The following BCKDHB variants were observed in gnomAD, a reference collection of about 807,000 sequenced individuals.
BCKDHB encodes branched chain keto acid dehydrogenase E1 subunit beta.
In BCKDHB, 41 loss-of-function variants were observed where a neutral mutation model predicts 48.5. The observed-to-expected ratio is 0.85, with a 90% confidence interval of 0.66 to 1.10. The LOEUF (loss-of-function observed/expected upper bound fraction) is 1.10. Ranked by LOEUF, BCKDHB falls within the 50% of genes least tolerant of loss-of-function variation. BCKDHB has a pLI of 0.00. For missense variants in BCKDHB, 496 were observed against 494.2 expected, an observed-to-expected ratio of 1.00 and a Z score of -0.03; for synonymous variants, 201 against 174.8, an observed-to-expected ratio of 1.15 and a Z score of -1.18.
chr6:80,443,263 A>C, the BCKDHB span: 3 of 152,190 alleles, frequency 2.0e-5, no homozygotes, highest in Admixed American at 6.6e-5. Flanking sequence ...TTCCTTATAG[A>C]GTAGGATGGA....
At chr6:80,422,970 AG>A in the BCKDHB span, among the ~76,000 whole-genome samples, 1 of 152,158 alleles carries the variant, frequency 6.6e-6, no homozygotes, top group East Asian at 1.9e-4. Context: ...GAAATGTGAA[AG>A]GGACATGAAA....
At chr6:80,211,544 A>G (rs868861708) in intron 8 of BCKDHB, among the ~76,000 whole-genome samples, 137 of 152,234 alleles carry the variant, frequency 9.0e-4, no homozygotes, top group African/African-American at 3.0e-3. Flanking sequence ...TGTTCCTTCT[A>G]GTTTCAAAAA....
intron 8 of BCKDHB, among the ~76,000 whole-genome samples, chr6:80,272,126 G>A (rs914836672): frequency 1.1e-4 from 17 of 152,184 alleles, no homozygotes; most frequent in Admixed American, 9.2e-4. Context: ...TATTTACCTA[G>A]TAGATATGGT....
chr6:80,445,545 T>C, the BCKDHB span, among the ~76,000 whole-genome samples: 2 of 152,164 alleles, frequency 1.3e-5, no homozygotes, highest in African/African-American at 4.8e-5. Flanking sequence ...ACTGTAAATA[T>C]ATCTGTATCT....
chr6:80,421,391 A>G, the BCKDHB span, among the ~76,000 whole-genome samples: 1 of 152,340 alleles, frequency 6.6e-6, no homozygotes, highest in South Asian at 2.1e-4. Flanking sequence ...GAAACAGACT[A>G]ATACAGAGAA....
At chr6:80,400,026 A>T in the BCKDHB span, among the ~76,000 whole-genome samples, 73 of 152,116 alleles carry the variant, frequency 4.8e-4, no homozygotes, top group Non-Finnish European at 7.9e-4. Context: ...TTGGCTAGCC[A>T]CATGCAGAAG....
At chr6:80,412,613 A>T in the BCKDHB span, among the ~76,000 whole-genome samples, 3 of 152,160 alleles carry the variant, frequency 2.0e-5, no homozygotes, top group Admixed American at 6.5e-5. Context: ...ACCTTCATCC[A>T]TGAGTTGTAT....
rs533733615 is a variant in BCKDHB at position 80,268,927 on chromosome 6, A to G, written c.952-4208A>G. Among the ~76,000 whole-genome samples, 8 of 152,300 alleles carry G rather than the reference A, an allele frequency of 5.3e-5. No homozygotes were observed. In the South Asian group the frequency reaches 1.7e-3, roughly 32 times the overall value. ...CCATCAATTTGGAACATGCTACTTC[A>G]TAATTAAATCATTCTGGGATGTGAT... On this transcript the variant is annotated intron_variant, in intron 8 of 9. Transcript: ENST00000320393.
chr6:80,223,472 C>T (rs143934538), intron 8 of BCKDHB, among the ~76,000 whole-genome samples: 37 of 152,188 alleles, frequency 2.4e-4, no homozygotes, highest in African/African-American at 7.9e-4. Context: ...TTTCTTATGT[C>T]AGTTTTGGAA....
intron 8 of BCKDHB, among the ~76,000 whole-genome samples, chr6:80,209,903 A>G (rs529798370): frequency 3.9e-5 from 6 of 152,212 alleles, no homozygotes; most frequent in African/African-American, 1.4e-4. Context: ...ATCTGGAAAT[A>G]TAAAGTACTT....
chr6:80,402,421 C>G, the BCKDHB span, among the ~76,000 whole-genome samples: 1 of 151,676 alleles, frequency 6.6e-6, no homozygotes, highest in Non-Finnish European at 1.5e-5. Context: ...AGATAAGTTT[C>G]TATTCAGATT....
At chr6:80,328,859 A>G (rs1769176113) in intron 9 of BCKDHB, among the ~76,000 whole-genome samples, 1 of 152,174 alleles carries the variant, frequency 6.6e-6, no homozygotes, top group South Asian at 2.1e-4. Context: ...AGCAGATGAA[A>G]ATCTGTTTCT....
At chr6:80,177,623 CTCA>C (rs750953983) in intron 6 of BCKDHB, among the ~76,000 whole-genome samples, 12 of 152,080 alleles carry the variant, frequency 7.9e-5, no homozygotes, top group Non-Finnish European at 1.8e-4. Context: ...GCCATTTTGC[CTCA>C]TCAGAACTAA....
chr6:80,349,343 T>TA, downstream of BCKDHB, among the ~76,000 whole-genome samples: 1 of 152,254 alleles, frequency 6.6e-6, no homozygotes, highest in East Asian at 1.9e-4. Context: ...GAGTGCCTGT[T>TA]ACGGGCCGGG....
intron 1 of BCKDHB, among the ~76,000 whole-genome samples, chr6:80,119,624 A>T (rs973308722): frequency 6.6e-6 from 1 of 152,186 alleles, no homozygotes. Context: ...CGCCTGGCCA[A>T]TGTTGACATT....
intron 8 of BCKDHB, among the ~76,000 whole-genome samples, chr6:80,222,564 T>C (rs951000569): frequency 6.6e-5 from 10 of 152,208 alleles, no homozygotes; most frequent in Admixed American, 5.2e-4. Context: ...TACAGGTTTT[T>C]TTCTTCATGG....
downstream of BCKDHB, among the ~76,000 whole-genome samples, chr6:80,347,038 T>A (rs1395456766): frequency 1.3e-5 from 2 of 151,924 alleles, no homozygotes; most frequent in African/African-American, 4.8e-5. Flanking sequence ...TAACTACAAT[T>A]GTATGTGTCC....
intron 8 of BCKDHB, among the ~76,000 whole-genome samples, chr6:80,259,587 T>G (rs1777203552): frequency 6.6e-6 from 1 of 152,222 alleles, no homozygotes; most frequent in African/African-American, 2.4e-5. Flanking sequence ...GAAATGGTCA[T>G]TTTTCTTTGA....
chr6:80,168,140 G>T (rs1272475972), intron 4 of BCKDHB, among the ~76,000 whole-genome samples: 2 of 151,858 alleles, frequency 1.3e-5, no homozygotes, highest in African/African-American at 2.4e-5. Flanking sequence ...ACAAAAATTA[G>T]CCCAGTGTGG....
Sources: gnomAD v4.1 joint callset for allele counts (sites outside exome capture counted in the v4.1 genomes callset) on GRCh38, gnomAD v4.1.1 for gene constraint, MANE v1.5 for transcripts, NCBI Gene and HGNC (gene_info 2026-07-23, HGNC 2026-07-21) for gene names.